The following MARCHF4 variants were observed in gnomAD, a reference collection of about 807,000 sequenced individuals.
MARCHF4 encodes the protein membrane associated ring-CH-type finger 4, also known as E3 ubiquitin-protein ligase MARCHF4.
A neutral mutation model predicts 43.9 loss-of-function variants in MARCHF4; 14 were observed. That is an observed-to-expected ratio of 0.32 (90% CI 0.21 to 0.50). The LOEUF (loss-of-function observed/expected upper bound fraction) is 0.50. Ranked by LOEUF, MARCHF4 falls within the 20% of genes least tolerant of loss-of-function variation. The pLI is 0.98. For missense variants in MARCHF4, 468 were observed against 536.7 expected (o/e 0.87, Z 1.27); for synonymous variants, 226 against 213.3 (o/e 1.06, Z -0.52).
intron 1 of MARCHF4, among the ~76,000 whole-genome samples, chr2:216,337,413 T>C (rs1439513397): frequency 6.6e-6 from 1 of 151,966 alleles, no homozygotes; most frequent in African/African-American, 2.4e-5. Flanking sequence ...GATACTACTT[T>C]AGTAAACACA....
chr2:216,309,718 G>C (rs534355109), intron 1 of MARCHF4, among the ~76,000 whole-genome samples: 1 of 152,312 alleles, frequency 6.6e-6, no homozygotes, highest in South Asian at 2.1e-4. Flanking sequence ...GGAGAGACCT[G>C]AGCTAGACCC....
chr2:216,279,894 G>C (rs1446200846), intron 2 of MARCHF4, among the ~76,000 whole-genome samples: 1 of 152,200 alleles, frequency 6.6e-6, no homozygotes, highest in Non-Finnish European at 1.5e-5. Flanking sequence ...TGCCTGGAAA[G>C]AGGGCTTCTG....
At chr2:216,334,827 T>C (rs1692134720) in intron 1 of MARCHF4, among the ~76,000 whole-genome samples, 1 of 152,224 alleles carries the variant, frequency 6.6e-6, no homozygotes, top group Non-Finnish European at 1.5e-5. Context: ...AGAAAAGAAT[T>C]CACTAAAACA....
intron 1 of MARCHF4, among the ~76,000 whole-genome samples, chr2:216,314,732 C>A (rs1438814826): frequency 6.6e-6 from 1 of 152,154 alleles, no homozygotes; most frequent in Non-Finnish European, 1.5e-5. Flanking sequence ...GGAAAGACTT[C>A]TCTAAGCAGA....
Position 216,263,523 on chromosome 2 carries a change from G to A in MARCHF4, c.866-3844C>T, listed in dbSNP as rs879944649. ...AGAGAGAGAGAGAGAGAGAGAGAGAGAGAGAGAGAGAGAGAAAGAGAGAGA... is the reference window on the plus strand; with the variant it reads ...AGAGAGAGAGAGAGAGAGAGAGAGAAAGAGAGAGAGAGAGAAAGAGAGAGA... On this transcript the variant is annotated intron_variant, in intron 3 of 3. Transcript: ENST00000273067. Among the ~76,000 whole-genome samples the A allele has an allele frequency of 3.3e-3, 500 of 149,820 alleles. 4 individuals are homozygous for A. Among genetic ancestry groups the A allele is most frequent in the Middle Eastern group, 0.01 (3 of 294 alleles).
At chr2:216,316,751 T>C (rs1450021817) in intron 1 of MARCHF4, among the ~76,000 whole-genome samples, 1 of 152,218 alleles carries the variant, frequency 6.6e-6, no homozygotes, top group Non-Finnish European at 1.5e-5. Context: ...GAACTTCTGA[T>C]TCTGCAGGTC....
intron 1 of MARCHF4, among the ~76,000 whole-genome samples, chr2:216,354,710 G>A (rs761739735): frequency 1.3e-5 from 2 of 152,138 alleles, no homozygotes; most frequent in Non-Finnish European, 2.9e-5. Context: ...TTGGGGGATG[G>A]AGGATCCCTT....
At chr2:216,300,207 T>TA (rs1437736904) in intron 1 of MARCHF4, among the ~76,000 whole-genome samples, 1 of 152,136 alleles carries the variant, frequency 6.6e-6, no homozygotes, top group East Asian at 1.9e-4. Context: ...GATTCTTTGC[T>TA]ATAATGTATG....
At chr2:216,283,768 A>G (rs1284402168) in intron 1 of MARCHF4, 39 bp from the exon 2 acceptor site, 2 of 1,540,368 alleles carry the variant, frequency 1.3e-6, no homozygotes, top group East Asian at 2.3e-5. Context: ...GCTGAGACCT[A>G]CAGTGGCTGG....
intron 1 of MARCHF4, among the ~76,000 whole-genome samples, chr2:216,309,108 T>C (rs570306471): frequency 8.1e-4 from 124 of 152,318 alleles, no homozygotes; most frequent in African/African-American, 2.8e-3. Context: ...AACTGGAGAA[T>C]TGATTCTAGT....
At chr2:216,320,601 G>A (rs1233531672) in intron 1 of MARCHF4, among the ~76,000 whole-genome samples, 10 of 142,190 alleles carry the variant, frequency 7.0e-5, no homozygotes, top group Non-Finnish European at 1.2e-4. Flanking sequence ...TAGAGCTATA[G>A]CCTCTTTTTC....
Position 216,370,365 on chromosome 2 carries a change from T to G in MARCHF4, c.-105A>C. On this transcript the variant is annotated 5_prime_UTR_variant, in exon 1 of 4. Transcript: ENST00000273067. ...CAGTGGATCTGTGTTGTGGGGGGAG[T>G]CTGCTTTCTCACTGGCTTTTCTTAC... The G allele has an allele frequency of 1.1e-6, 1 of 882,052 alleles. No homozygotes were observed. Among genetic ancestry groups the G allele is most frequent in the Non-Finnish European group, 1.7e-6 (1 of 604,334 alleles). 54.6% of individuals were successfully genotyped at this position (882,052 alleles called of 1,614,324 possible).
At chr2:216,307,538 G>A (rs529939859) in intron 1 of MARCHF4, among the ~76,000 whole-genome samples, 36 of 150,890 alleles carry the variant, frequency 2.4e-4, no homozygotes, top group Non-Finnish European at 5.0e-4. Flanking sequence ...TCAAATCAAC[G>A]TTTTTTTTTG....
intron 1 of MARCHF4, among the ~76,000 whole-genome samples, chr2:216,329,876 C>T (rs902400086): frequency 2.0e-5 from 3 of 151,660 alleles, no homozygotes; most frequent in Non-Finnish European, 2.9e-5. Context: ...CGCTTGGGGC[C>T]GGAGTTTGAG....
At chr2:216,351,718 A>C (rs1024384451) in intron 1 of MARCHF4, among the ~76,000 whole-genome samples, 2 of 152,158 alleles carry the variant, frequency 1.3e-5, no homozygotes, top group Non-Finnish European at 2.9e-5. Context: ...TATGCCTGAC[A>C]GTAACACAAA....
chr2:216,323,873 A>G (rs1324179209), intron 1 of MARCHF4, among the ~76,000 whole-genome samples: 1 of 152,226 alleles, frequency 6.6e-6, no homozygotes, highest in African/African-American at 2.4e-5. Flanking sequence ...AAAGATCTAA[A>G]ATTGACACCC....
intron 1 of MARCHF4, among the ~76,000 whole-genome samples, chr2:216,331,165 A>G (rs1343003733): frequency 6.6e-6 from 1 of 152,142 alleles, no homozygotes; most frequent in East Asian, 1.9e-4. Context: ...CAAATTACCT[A>G]TATCAGAAAT....
intron 1 of MARCHF4, among the ~76,000 whole-genome samples, chr2:216,306,294 T>C (rs1328099459): frequency 1.3e-5 from 2 of 152,212 alleles, no homozygotes; most frequent in African/African-American, 4.8e-5. Flanking sequence ...CCATTTCTAA[T>C]TTAATGTTAT....
At chr2:216,347,720 C>T (rs1692342836) in intron 1 of MARCHF4, among the ~76,000 whole-genome samples, 1 of 150,906 alleles carries the variant, frequency 6.6e-6, no homozygotes. Context: ...GAGCAAGACT[C>T]CGTCTCAAAA....
Sources: gnomAD v4.1 joint callset for allele counts (sites outside exome capture counted in the v4.1 genomes callset) on GRCh38, gnomAD v4.1.1 for gene constraint, MANE v1.5 for transcripts, NCBI Gene and HGNC (gene_info 2026-07-23, HGNC 2026-07-21) for gene names.